Variants in CRB1 observed in about 807,000 individuals in gnomAD.
The protein encoded by CRB1 is protein crumbs homolog 1.
CRB1 carries 83 observed loss-of-function variants against 120.0 expected under a neutral mutation model. That is an observed-to-expected ratio of 0.69 (90% CI 0.58 to 0.83). The LOEUF is 0.83. Among genes scored for constraint, CRB1 ranks in the 40% least tolerant of loss-of-function variants. The pLI, the probability that CRB1 is intolerant of heterozygous loss-of-function variation, is 0.00. For synonymous variants in CRB1, 625 were observed against 612.5 expected (o/e 1.02, Z -0.30); for missense variants, 1,699 against 1,687.6 (o/e 1.01, Z -0.12).
intron 5 of CRB1, among the ~76,000 whole-genome samples, chr1:197,380,210 A>T (rs1661879504): frequency 6.6e-6 from 1 of 152,178 alleles, no homozygotes; most frequent in Admixed American, 6.5e-5. Context: ...AGTTTTGGCA[A>T]AGAAAATCAT....
chr1:197,247,422 C>T, the CRB1 span, among the ~76,000 whole-genome samples: 115 of 152,184 alleles, frequency 7.6e-4, 2 homozygotes, highest in East Asian at 0.022. Context: ...ATTTGAAAGA[C>T]ATTGTGCAAG....
At chr1:197,476,952 C>A (rs1360056102) in intron 11 of CRB1, among the ~76,000 whole-genome samples, 2 of 152,178 alleles carry the variant, frequency 1.3e-5, no homozygotes, top group African/African-American at 2.4e-5. Context: ...GCAAACACAT[C>A]GGAATTAACA....
At chr1:197,311,698 AGTGTGTGTGTGTGTGTGTGTGT>A (rs57455433) in intron 1 of CRB1, among the ~76,000 whole-genome samples, 10 of 138,910 alleles carry the variant, frequency 7.2e-5, no homozygotes, top group African/African-American at 1.8e-4. Flanking sequence ...TCATATAGTT[AGTGTGTGTGTGTGTGTGTGTGT>A]GTGTGTGTGT....
upstream of CRB1, among the ~76,000 whole-genome samples, chr1:197,266,543 C>G (rs774896951): frequency 6.6e-6 from 1 of 152,092 alleles, no homozygotes; most frequent in East Asian, 1.9e-4. Flanking sequence ...GAAAATTCAA[C>G]GTAAATATTA....
the CRB1 span, among the ~76,000 whole-genome samples, chr1:197,253,080 C>G: frequency 6.6e-6 from 1 of 152,036 alleles, no homozygotes; most frequent in Non-Finnish European, 1.5e-5. Context: ...TAACTCCCCT[C>G]TTTACAATCG....
At chr1:197,459,512 C>T (rs996575508) in intron 11 of CRB1, among the ~76,000 whole-genome samples, 3 of 152,058 alleles carry the variant, frequency 2.0e-5, no homozygotes, top group Non-Finnish European at 4.4e-5. Flanking sequence ...TCTCTGTGTC[C>T]TCACATGACA....
intron 4 of CRB1, among the ~76,000 whole-genome samples, chr1:197,355,987 C>G (rs1341631540): frequency 6.6e-6 from 1 of 152,128 alleles, no homozygotes; most frequent in African/African-American, 2.4e-5. Flanking sequence ...ATCACAATAG[C>G]AAAAATGTAC....
At chr1:197,295,087 T>G (rs1656443551) in intron 1 of CRB1, among the ~76,000 whole-genome samples, 1 of 151,986 alleles carries the variant, frequency 6.6e-6, no homozygotes, top group African/African-American at 2.4e-5. Context: ...TTGTTTTACT[T>G]GAGTGTTTGG....
intron 11 of CRB1, among the ~76,000 whole-genome samples, chr1:197,464,931 G>T (rs1354699132): frequency 6.6e-6 from 1 of 152,164 alleles, no homozygotes; most frequent in Non-Finnish European, 1.5e-5. Context: ...AAGGAGAAGA[G>T]AACTTGTCAT....
the CRB1 span, chr1:197,222,651 T>A: frequency 1.3e-6 from 1 of 778,824 alleles, no homozygotes; most frequent in Non-Finnish European, 2.4e-6. Context: ...TGAAGACCTT[T>A]CAGTCACCTT....
chr1:197,296,592 G>A (rs1014490278), intron 1 of CRB1, among the ~76,000 whole-genome samples: 1 of 152,006 alleles, frequency 6.6e-6, no homozygotes, highest in Admixed American at 6.6e-5. Context: ...CCATTTATCC[G>A]ATATTGGAAC....
chr1:197,415,183 G>A, intron 5 of CRB1, among the ~76,000 whole-genome samples: 1 of 152,140 alleles, frequency 6.6e-6, no homozygotes, highest in Admixed American at 6.5e-5. Context: ...TGCCCACAAA[G>A]GATAAATGAG....
At chr1:197,271,668 T>C (rs1423799350) in intron 1 of CRB1, among the ~76,000 whole-genome samples, 1 of 152,198 alleles carries the variant, frequency 6.6e-6, no homozygotes, top group Non-Finnish European at 1.5e-5. Flanking sequence ...AGTGAGACTC[T>C]CCTGTGATCC....
At chr1:197,445,370 T>C (rs1231325547) in intron 11 of CRB1, among the ~76,000 whole-genome samples, 4 of 152,098 alleles carry the variant, frequency 2.6e-5, no homozygotes, top group Non-Finnish European at 5.9e-5. Context: ...TTTTGCAAAA[T>C]AGGAAAATAG....
At chr1:197,288,101 G>C (rs1410183196) in intron 1 of CRB1, among the ~76,000 whole-genome samples, 1 of 151,896 alleles carries the variant, frequency 6.6e-6, no homozygotes, top group Non-Finnish European at 1.5e-5. Context: ...TCATGAGACG[G>C]AGTACCTGAG....
At position 197,276,271 on chromosome 1, in the gene CRB1, G is replaced by A. The variant is rs189576775; in HGVS notation, c.70+7789G>A. Among the ~76,000 whole-genome samples the A allele has an allele frequency of 5.9e-3, 889 of 151,746 alleles. 8 individuals are homozygous for A. Among genetic ancestry groups the A allele is most frequent in the African/African-American group, 0.019 (804 of 41,424 alleles). On this transcript the variant is annotated intron_variant, in intron 1 of 11. Transcript: ENST00000367400. ...ACTATTTGGAGTTGAATGGTTTGAC[G>A]GGACCAAAAATTTTACTGGTTTTAG...
At chr1:197,428,069 T>C (rs1481608170) in intron 7 of CRB1, 68 bp downstream of exon 7, 2 of 1,393,472 alleles carry the variant, frequency 1.4e-6, no homozygotes, top group Non-Finnish European at 2.0e-6. Flanking sequence ...AAAAGATAAC[T>C]TATTAAAACC....
intron 5 of CRB1, among the ~76,000 whole-genome samples, chr1:197,372,712 T>TAAA (rs35605549): frequency 9.6e-5 from 14 of 146,138 alleles, no homozygotes; most frequent in Non-Finnish European, 2.0e-4. Context: ...TCTGTCTCTT[T>TAAA]AAAAAAAAAA....
intron 1 of CRB1, among the ~76,000 whole-genome samples, chr1:197,319,927 C>T (rs1283054515): frequency 6.6e-6 from 1 of 152,038 alleles, no homozygotes; most frequent in Non-Finnish European, 1.5e-5. Flanking sequence ...GCCTCTTAAC[C>T]CCTTTTATCC....
Sources: gnomAD v4.1 joint callset for allele counts (sites outside exome capture counted in the v4.1 genomes callset) on GRCh38, gnomAD v4.1.1 for gene constraint, MANE v1.5 for transcripts, NCBI Gene and HGNC (gene_info 2026-07-23, HGNC 2026-07-21) for gene names.